The following MARCHF1 variants were observed in gnomAD, a reference collection of about 807,000 sequenced individuals.
MARCHF1 encodes the protein membrane associated ring-CH-type finger 1, also known as E3 ubiquitin-protein ligase MARCHF1.
Under a neutral mutation model 54.2 loss-of-function variants are expected in MARCHF1, and 40 were observed. The observed-to-expected ratio is 0.74, with a 90% CI of 0.57 to 0.96. MARCHF1 has a LOEUF of 0.96. Ranked by LOEUF, MARCHF1 falls within the 40% of genes least tolerant of loss-of-function variation. The pLI, the probability that MARCHF1 is intolerant of heterozygous loss-of-function variation, is 0.00. For synonymous variants in MARCHF1, 236 were observed against 236.3 expected (o/e 1.00, Z 0.01); for missense variants, 586 against 656.5 (o/e 0.89, Z 1.17).
At chr4:163,751,441 AT>A (rs138812550) in intron 4 of MARCHF1, among the ~76,000 whole-genome samples, 4 of 151,970 alleles carry the variant, frequency 2.6e-5, no homozygotes, top group East Asian at 3.9e-4. Context: ...TCAAACCACC[AT>A]TTTTTTTAAT....
At chr4:164,094,262 T>C (rs1008731252) in intron 2 of MARCHF1, among the ~76,000 whole-genome samples, 3 of 152,150 alleles carry the variant, frequency 2.0e-5, no homozygotes, top group African/African-American at 7.2e-5. Context: ...GCATACTGAT[T>C]TTGAAGCCAG....
chr4:164,258,676 A>G (rs899534719), intron 1 of MARCHF1, among the ~76,000 whole-genome samples: 13 of 152,186 alleles, frequency 8.5e-5, no homozygotes, highest in African/African-American at 3.1e-4. Context: ...CAGACATTTT[A>G]TAATACATTT....
At chr4:163,995,993 A>G (rs900204282) in intron 2 of MARCHF1, among the ~76,000 whole-genome samples, 2 of 152,110 alleles carry the variant, frequency 1.3e-5, no homozygotes, top group African/African-American at 4.8e-5. Context: ...TCTGAAAAGA[A>G]TATATTTTAT....
chr4:163,893,558 C>T (rs540425536), intron 3 of MARCHF1, among the ~76,000 whole-genome samples: 108 of 152,224 alleles, frequency 7.1e-4, no homozygotes, highest in Non-Finnish European at 1.3e-3. Context: ...AAATAATTTT[C>T]TGACACGTAA....
chr4:164,334,319 CT>C (rs1377332828), intron 1 of MARCHF1, among the ~76,000 whole-genome samples: 4 of 152,254 alleles, frequency 2.6e-5, no homozygotes, highest in Middle Eastern at 3.4e-3. Flanking sequence ...CAGGCTGACT[CT>C]TTTGTTAGGG....
chr4:163,853,888 T>C, intron 4 of MARCHF1, 133 bp downstream of exon 4: 1 of 625,382 alleles, frequency 1.6e-6, no homozygotes, highest in Middle Eastern at 4.3e-4. Flanking sequence ...TCTATATGAA[T>C]ATATTATATA....
chr4:163,623,881 A>T lies in MARCHF1; in HGVS notation c.163-10488T>A, dbSNP rs1741774018. ...CAAGCAGTGCTTTGAGGAGAACCCA[A>T]ACTGGAGAGAGAGGCAGTTGATACT... On this transcript the variant is annotated intron_variant, in intron 5 of 9. Transcript: ENST00000514618. Among the ~76,000 whole-genome samples, 4 of 152,162 alleles carry T rather than the reference A, an allele frequency of 2.6e-5. No individual in the cohort carries two copies. The South Asian group carries it at 8.3e-4, about 32-fold the overall frequency.
At chr4:164,148,079 C>T (rs906361655) in intron 1 of MARCHF1, among the ~76,000 whole-genome samples, 21 of 151,256 alleles carry the variant, frequency 1.4e-4, no homozygotes, top group Non-Finnish European at 2.4e-4. Context: ...TTCATATTTC[C>T]AAAAGTACAT....
chr4:163,912,126 G>GA (rs1396627378), intron 3 of MARCHF1, among the ~76,000 whole-genome samples: 5 of 150,714 alleles, frequency 3.3e-5, no homozygotes, highest in African/African-American at 7.3e-5. Flanking sequence ...AGCCAGCAGG[G>GA]AAAAAAACGA....
intron 1 of MARCHF1, among the ~76,000 whole-genome samples, chr4:164,333,563 A>G (rs909459871): frequency 2.6e-5 from 4 of 152,212 alleles, no homozygotes; most frequent in Non-Finnish European, 5.9e-5. Flanking sequence ...TGGTGAACTT[A>G]ATCAATGAAG....
At chr4:163,666,598 T>A (rs1743541610) in intron 5 of MARCHF1, among the ~76,000 whole-genome samples, 1 of 152,168 alleles carries the variant, frequency 6.6e-6, no homozygotes, top group Non-Finnish European at 1.5e-5. Context: ...GACTGCTGTG[T>A]TTACTCTCAA....
At chr4:164,227,616 C>CA in intron 1 of MARCHF1, among the ~76,000 whole-genome samples, 1 of 152,120 alleles carries the variant, frequency 6.6e-6, no homozygotes, top group Non-Finnish European at 1.5e-5. Flanking sequence ...GATATTTTAT[C>CA]AAAAATTTTA....
chr4:163,582,180 G>A (rs1740253185), intron 8 of MARCHF1, among the ~76,000 whole-genome samples: 1 of 152,158 alleles, frequency 6.6e-6, no homozygotes, highest in Non-Finnish European at 1.5e-5. Context: ...CAATTGCACT[G>A]AGTAGTCACT....
rs74788116 is a variant in MARCHF1 at position 164,217,092 on chromosome 4, A to T, written c.-322-105430T>A. Among the ~76,000 whole-genome samples the T allele has an allele frequency of 6.5e-3, 984 of 152,338 alleles. 6 individuals are homozygous for T. Among genetic ancestry groups the T allele is most frequent in the African/African-American group, 0.022 (929 of 41,586 alleles). On this transcript the variant is annotated intron_variant, in intron 1 of 9. Coordinates refer to ENST00000514618, the MANE Select transcript of MARCHF1 (RefSeq NM_001394959.1). ...CACCTTTCACTCTTATTTACTAGAG[A>T]TGATAATTTGTCAATGTTTCAGCTG... is the stretch of plus-strand genomic sequence containing the variant.
intron 7 of MARCHF1, among the ~76,000 whole-genome samples, chr4:163,609,621 G>GTATA (rs1404520155): frequency 8.1e-5 from 12 of 148,738 alleles, no homozygotes; most frequent in Non-Finnish European, 1.5e-4. Flanking sequence ...GTGTGTGTGT[G>GTATA]TGTATATATA....
intron 1 of MARCHF1, among the ~76,000 whole-genome samples, chr4:164,249,204 T>C (rs1045907130): frequency 2.0e-5 from 3 of 152,112 alleles, no homozygotes; most frequent in Non-Finnish European, 2.9e-5. Flanking sequence ...AGACATGTAA[T>C]TAAGGCAGAA....
chr4:163,596,427 T>C (rs528971056), intron 7 of MARCHF1, among the ~76,000 whole-genome samples: 3 of 150,920 alleles, frequency 2.0e-5, no homozygotes, highest in East Asian at 3.9e-4. Context: ...GTAATCCCAG[T>C]TGTTTGGGAA....
chr4:163,579,685 A>G (rs569035448), intron 8 of MARCHF1, among the ~76,000 whole-genome samples: 1 of 152,270 alleles, frequency 6.6e-6, no homozygotes, highest in Admixed American at 6.5e-5. Context: ...CGGAATGAAT[A>G]TGCATTGTGA....
Position 164,351,742 on chromosome 4 carries a change from C to T in MARCHF1, c.-323+32128G>A, listed in dbSNP as rs893470366. Among the ~76,000 whole-genome samples, 441 of 151,748 alleles carry T rather than the reference C, an allele frequency of 2.9e-3. 3 individuals are homozygous for T. Among genetic ancestry groups the T allele is most frequent in the African/African-American group, 9.3e-3 (381 of 41,102 alleles). On this transcript the variant is annotated intron_variant, in intron 1 of 9. Coordinates refer to ENST00000514618, the MANE Select transcript of MARCHF1 (RefSeq NM_001394959.1). ...AAGGAACGCAGTTTCTCACCAGCAG[C>T]GGAACAAAGCTGGATGGAGAATGAC... is the stretch of plus-strand genomic sequence containing the variant.
Sources: gnomAD v4.1 joint callset for allele counts (sites outside exome capture counted in the v4.1 genomes callset) on GRCh38, gnomAD v4.1.1 for gene constraint, MANE v1.5 for transcripts, NCBI Gene and HGNC (gene_info 2026-07-23, HGNC 2026-07-21) for gene names.